The following HSPG2 variants were observed in gnomAD, a reference collection of about 807,000 sequenced individuals.
The protein encoded by HSPG2 is heparan sulfate proteoglycan 2, also known as basement membrane-specific heparan sulfate proteoglycan core protein.
Under a neutral mutation model 526.6 loss-of-function variants are expected in HSPG2, and 278 were observed. The observed-to-expected ratio is 0.53, with a 90% CI of 0.48 to 0.58. The LOEUF is 0.58. Among genes scored for constraint, HSPG2 ranks in the 20% least tolerant of loss-of-function variants. The pLI, the probability that HSPG2 is intolerant of heterozygous loss-of-function variation, is 0.00. For missense variants in HSPG2, 5,354 were observed against 6,099.5 expected (o/e 0.88, Z 4.07); for synonymous variants, 2,465 against 2,555.4 (o/e 0.96, Z 1.07).
chr1:21,839,676 G>T lies in HSPG2; in HGVS notation c.9710-126C>A. 7.2e-7 allele frequency: 1 copy of T among 1,385,176 alleles called. No homozygotes were observed. Among genetic ancestry groups the T allele is most frequent in the Non-Finnish European group, 1.0e-6 (1 of 1,000,292 alleles). The allele number at this position is 1,385,176 out of a possible 1,614,324, so 85.8% of individuals were successfully genotyped here. A position where few individuals can be genotyped will look rare whatever the true frequency, so the allele number is the denominator to read the frequency against. On this transcript the variant is annotated intron_variant, in intron 72 of 96. Coordinates refer to ENST00000374695, the MANE Select transcript of HSPG2 (RefSeq NM_005529.7). The surrounding 1 kb of genome is among the most constrained non-coding windows in gnomAD (Gnocchi z 4.5). ...TATGGGGACCCCAGTTGGGTTCCTC[G>T]GCCATCACTGGGGGATGCTAGCAAC...
chr1:21,926,842 A>T (rs1255291130), intron 1 of HSPG2, among the ~76,000 whole-genome samples: 2 of 151,792 alleles, frequency 1.3e-5, no homozygotes, highest in African/African-American at 4.8e-5. Flanking sequence ...TTATCAGGCC[A>T]GAATTTCAAT....
rs773438061 is a variant in HSPG2, at chr1:21,876,360, C to T, written c.2872G>A (p.Ala958Thr). The T allele has an allele frequency of 3.0e-5, 48 of 1,613,046 alleles. No homozygotes were observed. The highest frequency in any genetic ancestry group is 3.6e-5 in the Non-Finnish European group (43 of 1,179,672). ...EEPGHFSLTN[A>T]ASTHTTNEGI... ...TCGTTGGTGGTGTGGGTGCTTGCGGCGTTGGTCAGGCTGAAGTGACCAGGC... is the reference window on the plus strand; with the variant it reads ...TCGTTGGTGGTGTGGGTGCTTGCGGTGTTGGTCAGGCTGAAGTGACCAGGC... Residue 958 changes from alanine (A) to threonine (T), a missense_variant, in exon 23 of 97, where the codon GCC (alanine) becomes ACC (threonine). Transcript: ENST00000374695.
chr1:21,920,389 G>A (rs1007740138), intron 1 of HSPG2, among the ~76,000 whole-genome samples: 1 of 152,182 alleles, frequency 6.6e-6, no homozygotes, highest in East Asian at 1.9e-4. Context: ...GCGTGGAGCT[G>A]AAGACACCCC....
intron 3 of HSPG2, among the ~76,000 whole-genome samples, chr1:21,892,227 C>T (rs1360107981): frequency 6.6e-6 from 1 of 152,268 alleles, no homozygotes; most frequent in Non-Finnish European, 1.5e-5. Context: ...GTGGGCGGGG[C>T]TCTGTGGGCT....
At position 21,873,366 on chromosome 1, in the gene HSPG2, C is replaced by A; in HGVS notation, c.3793+9G>T. 1 of 1,614,216 alleles carries A rather than the reference C, an allele frequency of 6.2e-7. No homozygotes were observed. Among genetic ancestry groups the A allele is most frequent in the Middle Eastern group, 1.6e-4 (1 of 6,062 alleles). On this transcript the variant is annotated intron_variant, in intron 30 of 96. Transcript: ENST00000374695. ...ACCCGACCCCAATGACCTCCCCAAT[C>A]CTACTCACTCTGGCATGGCTGGCCC...
At chr1:21,879,545 A>G (rs1231098178) in intron 17 of HSPG2, among the ~76,000 whole-genome samples, 2 of 152,160 alleles carry the variant, frequency 1.3e-5, no homozygotes, top group African/African-American at 4.8e-5. Context: ...TCTTCCCCCT[A>G]GAGTTGCCCT....
chr1:21,927,819 G>A (rs988998752), intron 1 of HSPG2, among the ~76,000 whole-genome samples: 8 of 152,210 alleles, frequency 5.3e-5, no homozygotes, highest in African/African-American at 1.4e-4. Context: ...AGTTACACCC[G>A]GAGCTCTGAG....
chr1:21,836,865 A>G lies in HSPG2; in HGVS notation c.10292T>C (p.Leu3431Pro), dbSNP rs1176494588. 2 of 1,580,956 alleles carry G rather than the reference A, an allele frequency of 1.3e-6. No individual in the cohort carries two copies. Among genetic ancestry groups the G allele is most frequent in the South Asian group, 2.3e-5 (2 of 86,492 alleles). The change falls in exon 75 of 97, where the codon CTC becomes CCC. Residue 3431 changes from leucine (L) to proline (P), a missense_variant. Transcript: ENST00000374695. ...CAVPSDRGTQ[L>P]RWFKEGGQLP... ...CTGACCCCCTTCCTTGAACCAACGG[A>G]GCTGGGTACCCCGGTCGCTGGGCAC...
rs947665561 is a variant in HSPG2 at position 21,832,854 on chromosome 1, G to A, written c.11096-248C>T. ...ACACACTGGAGTCTCCCTCAAGGGG[G>A]AGAGGGAGGCAGAGACTCACCCGAG... On this transcript the variant is annotated intron_variant, in intron 80 of 96. Coordinates refer to ENST00000374695, the MANE Select transcript of HSPG2 (RefSeq NM_005529.7). 28 of 587,840 alleles carry A rather than the reference G, an allele frequency of 4.8e-5. No homozygotes were observed. In the African/African-American group the frequency reaches 4.8e-4, roughly 10 times the overall value. 36.4% of individuals were successfully genotyped at this position (587,840 alleles called of 1,614,324 possible). A position where few individuals can be genotyped will look rare whatever the true frequency, so the allele number is the denominator to read the frequency against.
Position 21,864,292 on chromosome 1 carries a change from A to G in HSPG2, c.4627-79T>C, listed in dbSNP as rs1640051735. ...CAGCAGACCCAGAACCCCTCCCTCC[A>G]GTGTCCTCCCAGGGGTGACCCTGGA... On this transcript the variant is annotated intron_variant, in intron 36 of 96. Transcript: ENST00000374695. This position sits in a 1 kb window ranked among gnomAD's most constrained non-coding sequence, Gnocchi z 4.8. 2 of 1,171,524 alleles carry G rather than the reference A, an allele frequency of 1.7e-6. No homozygotes were observed. The highest frequency in any genetic ancestry group is 1.3e-5 in the South Asian group (1 of 76,296). 72.6% of individuals were successfully genotyped at this position (1,171,524 alleles called of 1,614,324 possible). A position where few individuals can be genotyped will look rare whatever the true frequency, so the allele number is the denominator to read the frequency against.
rs1210716148 is a variant in HSPG2 at position 21,829,453 on chromosome 1, C to A, written c.11922G>T (p.Gly3974=). The change falls in exon 87 of 97, where the codon GGG becomes GGT. Residue 3974 remains glycine, a synonymous_variant. Coordinates refer to ENST00000374695, the MANE Select transcript of HSPG2 (RefSeq NM_005529.7). ...GVLLFSGGKS[G]PVEDFVSLAM... is the part of the protein sequence containing the mutation. The stretch of plus-strand genomic sequence containing the variant: ...CCAGGGACACGAAGTCCTCCACAGG[C>A]CCGCTCTTCCCCCCGCTGAACAGCA... The A allele has an allele frequency of 1.2e-6, 2 of 1,613,202 alleles. No homozygotes were observed. Among genetic ancestry groups the A allele is most frequent in the African/African-American group, 1.3e-5 (1 of 74,908 alleles).
At position 21,925,448 on chromosome 1, in the gene HSPG2, G is replaced by A. The variant is rs10917065; in HGVS notation, c.63+11707C>T. Among the ~76,000 whole-genome samples the A allele has an allele frequency of 9.6e-3, 1,459 of 152,234 alleles. 22 individuals are homozygous for A. The highest frequency in any genetic ancestry group is 0.033 in the African/African-American group (1,371 of 41,522). ...ACAGGGCTGGCTCAGAGCAGGCCCC[G>A]CTCAGCAAAACTCACTGAACTCCCA... On this transcript the variant is annotated intron_variant, in intron 1 of 96. Transcript: ENST00000374695.
In HSPG2 at chr1:21,880,132, C is replaced by T; in HGVS notation, c.2318G>A (p.Cys773Tyr). ...CAGGCAGTGGCCATACACAGGGTCACAGGAGCTGGCATGGCCATTGCAATT... is the reference window on the plus strand; with the variant it reads ...CAGGCAGTGGCCATACACAGGGTCATAGGAGCTGGCATGGCCATTGCAATT... The part of the protein sequence containing the change: ...GCNCNGHASS[C>Y]DPVYGHCLNC... Residue 773 changes from cysteine to tyrosine, a missense_variant, in exon 17 of 97, where the codon TGT (cysteine) becomes TAT (tyrosine). Physicochemically the swap from Cys to Tyr is radical, Grantham distance 194. Transcript: ENST00000374695. 2 of 1,614,108 alleles carry T rather than the reference C, an allele frequency of 1.2e-6. No individual in the cohort carries two copies. Among genetic ancestry groups the T allele is most frequent in the Admixed American group, 1.7e-5 (1 of 60,018 alleles).
chr1:21,845,903 C>T lies in HSPG2; in HGVS notation c.8464+205G>A, dbSNP rs114467791. ...GAGCATAGTCCAAAGCCTATGCTCG[C>T]AAGCCGTGGAGAGGGACAGGAACCA... On this transcript the variant is annotated intron_variant, in intron 64 of 96. Transcript: ENST00000374695. 0.014 allele frequency among the ~76,000 whole-genome samples: 2,187 copies of T among 152,294 alleles called. 56 individuals are homozygous for T. Among genetic ancestry groups the T allele is most frequent in the African/African-American group, 0.049 (2,056 of 41,556 alleles).
At chr1:21,901,328 G>T (rs958510507) in intron 1 of HSPG2, among the ~76,000 whole-genome samples, 2 of 152,092 alleles carry the variant, frequency 1.3e-5, no homozygotes, top group African/African-American at 4.8e-5. Flanking sequence ...TAAGCATTAG[G>T]ATTAGTATCA....
Position 21,848,755 on chromosome 1 carries a change from G to A in HSPG2, c.7625C>T (p.Ser2542Leu), listed in dbSNP as rs762980959. ...GGTGTGTCCATTGGCCAGGGAGGCT[G>A]AGGAGGACTCGATGCGGACGGGGTA... ...VAYPVRIESSSASLANGHTLD... is the reference protein window; with the variant it reads ...VAYPVRIESSLASLANGHTLD... The change falls in exon 59 of 97, where the codon TCA becomes TTA. Residue 2542 changes from serine to leucine, a missense_variant. Coordinates refer to ENST00000374695, the MANE Select transcript of HSPG2 (RefSeq NM_005529.7). This position sits in a 1 kb window ranked among gnomAD's most constrained non-coding sequence, Gnocchi z 4.9. 6.2e-7 allele frequency: 1 copy of A among 1,613,998 alleles called. No individual in the cohort carries two copies. Among genetic ancestry groups the A allele is most frequent in the East Asian group, 2.2e-5 (1 of 44,850 alleles).
At position 21,875,643 on chromosome 1, in the gene HSPG2, C is replaced by A; in HGVS notation, c.3288G>T (p.Gln1096His). 1 of 1,601,792 alleles carries A rather than the reference C, an allele frequency of 6.2e-7. No individual in the cohort carries two copies. The highest frequency in any genetic ancestry group is 1.7e-5 in the Admixed American group (1 of 60,030). ...TLLIRASYAQ[Q>H]PAESRVSGIS... ...GCTCCAGACACCTGCTCTCAGCGGG[C>A]TGCTGGGCGTAGGATGCTCGGATCA... is the stretch of plus-strand genomic sequence containing the variant. The change falls in exon 25 of 97, where the codon CAG becomes CAT. Residue 1096 changes from glutamine to histidine, a missense_variant. By Grantham distance (24) the Gln-to-His change is conservative (BLOSUM62 0). Transcript: ENST00000374695.
chr1:21,826,950 T>A lies in HSPG2; in HGVS notation c.12589+913A>T, dbSNP rs1227071615. Among the ~76,000 whole-genome samples, 9 of 152,130 alleles carry A rather than the reference T, an allele frequency of 5.9e-5. No homozygotes were observed. The East Asian group carries it at 1.7e-3, about 30-fold the overall frequency. On this transcript the variant is annotated intron_variant, in intron 91 of 96. Coordinates refer to ENST00000374695, the MANE Select transcript of HSPG2 (RefSeq NM_005529.7). ...GCACTTTAGGACGGTGGCTTACGCC[T>A]GTAATCCAGCACTTTAGGAAGCCAA... is the stretch of plus-strand genomic sequence containing the variant.
At chr1:21,860,420 G>A (rs1393483212) in intron 39 of HSPG2, among the ~76,000 whole-genome samples, 185 bp from the exon 40 acceptor site, 1 of 152,190 alleles carries the variant, frequency 6.6e-6, no homozygotes, top group Non-Finnish European at 1.5e-5. Flanking sequence ...AAAGGGGAGT[G>A]TAAGGGAGTG....
Sources: allele counts gnomAD v4.1 joint callset (sites outside exome capture counted in the v4.1 genomes callset), GRCh38; gene constraint gnomAD v4.1.1; non-coding constraint Gnocchi (gnomAD v3.1); transcripts MANE v1.5; gene names NCBI Gene and HGNC (gene_info 2026-07-23, HGNC 2026-07-21).